The following PCDH15 variants were observed in gnomAD, a reference collection of about 807,000 sequenced individuals.
PCDH15 encodes protocadherin related 15.
In PCDH15, 129 loss-of-function variants were observed where a neutral mutation model predicts 178.5. The ratio of observed to expected loss-of-function variants is 0.72; its 90% CI spans 0.63 to 0.84. The LOEUF is 0.84. Ranked by LOEUF, PCDH15 falls within the 40% of genes least tolerant of loss-of-function variation. The probability of loss-of-function intolerance (pLI) is 0.00; values close to 1 mark genes in which losing one functional copy is unlikely to be tolerated. For missense variants in PCDH15, 2,230 were observed against 2,099.9 expected (o/e 1.06, Z -1.21); for synonymous variants, 800 against 732.0 (o/e 1.09, Z -1.50).
At chr10:54,565,137 T>C (rs1289948361) in intron 2 of PCDH15, among the ~76,000 whole-genome samples, 8 of 152,180 alleles carry the variant, frequency 5.3e-5, no homozygotes, top group African/African-American at 9.7e-5. Flanking sequence ...AGAATTGAAA[T>C]TTGGCTTCCA....
At chr10:54,787,712 A>G (rs1951021975) in intron 1 of PCDH15, among the ~76,000 whole-genome samples, 1 of 151,940 alleles carries the variant, frequency 6.6e-6, no homozygotes, top group Admixed American at 6.6e-5. Context: ...CTCAGGGCTC[A>G]AAGCTGCTGA....
At chr10:54,033,732 T>A (rs746694338) in intron 18 of PCDH15, among the ~76,000 whole-genome samples, 1 of 152,060 alleles carries the variant, frequency 6.6e-6, no homozygotes, top group Non-Finnish European at 1.5e-5. Flanking sequence ...TCTGCCAAGT[T>A]ATAACACAAA....
chr10:54,676,250 G>A (rs1052904296), intron 1 of PCDH15, among the ~76,000 whole-genome samples: 86 of 152,082 alleles, frequency 5.7e-4, no homozygotes, highest in African/African-American at 1.9e-3. Context: ...ATCTCAGCCT[G>A]TAAGTTAAAA....
intron 2 of PCDH15, among the ~76,000 whole-genome samples, chr10:55,581,074 A>C (rs1282142260): frequency 6.6e-6 from 1 of 152,334 alleles, no homozygotes; most frequent in East Asian, 1.9e-4. Flanking sequence ...CTAAAATTTT[A>C]TACAATATTT....
chr10:53,928,348 A>G (rs1361438196), intron 25 of PCDH15, among the ~76,000 whole-genome samples: 1 of 152,064 alleles, frequency 6.6e-6, no homozygotes, highest in African/African-American at 2.4e-5. Context: ...AAAAAATTGC[A>G]TTATCCATAA....
At chr10:54,560,481 G>C (rs1478185432) in intron 2 of PCDH15, among the ~76,000 whole-genome samples, 1 of 151,932 alleles carries the variant, frequency 6.6e-6, no homozygotes, top group Non-Finnish European at 1.5e-5. Flanking sequence ...ATGCTACAAG[G>C]AGTTTTTTTT....
chr10:54,798,800 T>C lies in PCDH15; in HGVS notation c.-29+2125A>G, dbSNP rs145711508. On this transcript the variant is annotated intron_variant, in intron 1 of 37. Coordinates refer to ENST00000644397, the MANE Select transcript of PCDH15 (RefSeq NM_001384140.1). ...CATTAGGGCTACAATAAAATGTAAA[T>C]GTATATGGGGGGCTTCTGTGTTAGG... 2.6e-3 allele frequency among the ~76,000 whole-genome samples: 397 copies of C among 152,166 alleles called. 1 individual carries two copies. Among genetic ancestry groups the C allele is most frequent in the African/African-American group, 9.3e-3 (386 of 41,546 alleles).
chr10:54,083,885 TA>T (rs2094473787), intron 16 of PCDH15, among the ~76,000 whole-genome samples: 1 of 152,146 alleles, frequency 6.6e-6, no homozygotes, highest in African/African-American at 2.4e-5. Context: ...ACTCAATTAT[TA>T]TAGAAAATAG....
rs140517880 is a variant in PCDH15, at chr10:54,144,715, C to T, written c.1784+8385G>A. On this transcript the variant is annotated intron_variant, in intron 14 of 37. Coordinates refer to ENST00000644397, the MANE Select transcript of PCDH15 (RefSeq NM_001384140.1). ...TTAGCAGCAGGACCTAGACCGAAAC[C>T]TTGGTGTTTTCGTAATAATCTTATA... Among the ~76,000 whole-genome samples, 903 of 152,210 alleles carry T rather than the reference C, an allele frequency of 5.9e-3. 3 individuals carry two copies. The highest frequency in any genetic ancestry group is 0.01 in the Non-Finnish European group (687 of 68,000).
At chr10:54,199,570 C>CAACAATAAT (rs142287657) in intron 10 of PCDH15, among the ~76,000 whole-genome samples, 6,339 of 142,448 alleles carry the variant, frequency 0.045, 238 homozygotes, top group African/African-American at 0.11. Context: ...ACAACAACAA[C>CAACAATAAT]AATAATAATA....
At chr10:55,308,035 AT>A (rs1843475723) in intron 1 of PCDH15, among the ~76,000 whole-genome samples, 1 of 152,192 alleles carries the variant, frequency 6.6e-6, no homozygotes, top group Admixed American at 6.5e-5. Flanking sequence ...CTATTAGTGC[AT>A]TATCATTAAA....
chr10:54,818,711 C>G (rs771291146), intron 3 of PCDH15, among the ~76,000 whole-genome samples: 1 of 151,896 alleles, frequency 6.6e-6, no homozygotes, highest in East Asian at 1.9e-4. Flanking sequence ...ACCCCCTCCC[C>G]GAGTGTTTTT....
chr10:54,849,166 A>G (rs1459227018), intron 3 of PCDH15, among the ~76,000 whole-genome samples: 3 of 152,158 alleles, frequency 2.0e-5, no homozygotes, highest in Admixed American at 6.5e-5. Context: ...AAAGCTTAGT[A>G]AATTTCACCT....
intron 8 of PCDH15, among the ~76,000 whole-genome samples, chr10:54,297,036 C>T (rs1427378379): frequency 3.9e-5 from 6 of 152,042 alleles, no homozygotes; most frequent in African/African-American, 9.7e-5. Context: ...TGTTGGTGAG[C>T]GCAACTATTC....
At chr10:55,193,613 A>G (rs1184962076) in intron 1 of PCDH15, among the ~76,000 whole-genome samples, 1 of 152,016 alleles carries the variant, frequency 6.6e-6, no homozygotes, top group African/African-American at 2.4e-5. Flanking sequence ...ATTCAAATTT[A>G]ATAATTCAAT....
intron 3 of PCDH15, among the ~76,000 whole-genome samples, chr10:54,486,868 C>A (rs992535041): frequency 6.6e-6 from 1 of 151,832 alleles, no homozygotes; most frequent in Non-Finnish European, 1.5e-5. Flanking sequence ...TTTAATGATT[C>A]CAGTTTAAGC....
chr10:54,462,507 C>CTTTTTTTTTTTTTT (rs71461244), intron 3 of PCDH15, among the ~76,000 whole-genome samples: 2 of 98,814 alleles, frequency 2.0e-5, no homozygotes, highest in African/African-American at 4.0e-5. Context: ...TTTTCTTTTT[C>CTTTTTTTTTTTTTT]TTTTCTTTTT....
chr10:54,661,873 A>ACTCCTATC (rs1476562792), intron 2 of PCDH15, among the ~76,000 whole-genome samples: 1 of 151,980 alleles, frequency 6.6e-6, no homozygotes, highest in African/African-American at 2.4e-5. Flanking sequence ...AAGAAACTTC[A>ACTCCTATC]CTCCTATCTC....
chr10:55,545,808 AT>A (rs538142391), intron 2 of PCDH15, among the ~76,000 whole-genome samples: 234 of 151,290 alleles, frequency 1.5e-3, no homozygotes, highest in African/African-American at 5.3e-3. Context: ...TTTTAAAAAT[AT>A]TTTTTTTTCA....
Sources: gnomAD v4.1 joint callset for allele counts (sites outside exome capture counted in the v4.1 genomes callset) on GRCh38, gnomAD v4.1.1 for gene constraint, MANE v1.5 for transcripts, NCBI Gene and HGNC (gene_info 2026-07-23, HGNC 2026-07-21) for gene names.